PTN: variants seen among roughly 807,000 people sequenced by gnomAD.
The protein encoded by PTN is heparin affin regulatory protein.
A neutral mutation model predicts 24.1 loss-of-function variants in PTN; 18 were observed. That is an observed-to-expected ratio of 0.75 (90% confidence interval 0.52 to 1.11). The LOEUF (loss-of-function observed/expected upper bound fraction) is 1.11, where lower values mean the gene tolerates loss of function less well. Among genes scored for constraint, PTN ranks in the 50% least tolerant of loss-of-function variants. PTN has a pLI of 0.00. For synonymous variants in PTN, 78 were observed against 68.6 expected (o/e 1.14, Z -0.67); for missense variants, 163 against 198.8 (o/e 0.82, Z 1.08).
intron 1 of PTN, among the ~76,000 whole-genome samples, chr7:137,271,438 C>T (rs1809270398): frequency 1.3e-5 from 2 of 152,250 alleles, no homozygotes; most frequent in Non-Finnish European, 2.9e-5. Flanking sequence ...CTGTCTTCTA[C>T]TTCAAATTCA....
At chr7:137,242,043 G>A (rs936674829) in intron 4 of PTN, among the ~76,000 whole-genome samples, 1 of 152,184 alleles carries the variant, frequency 6.6e-6, no homozygotes, top group Non-Finnish European at 1.5e-5. Context: ...CCAGAACATA[G>A]ACAGAAATGT....
chr7:137,302,569 T>C (rs1809823284), intron 1 of PTN, among the ~76,000 whole-genome samples: 1 of 151,978 alleles, frequency 6.6e-6, no homozygotes, highest in East Asian at 1.9e-4. Context: ...GAACTATCAG[T>C]GCCCTCGTCT....
chr7:137,285,664 C>T (rs1199630967), intron 1 of PTN, among the ~76,000 whole-genome samples: 1 of 151,978 alleles, frequency 6.6e-6, no homozygotes, highest in Non-Finnish European at 1.5e-5. Flanking sequence ...AGTGAGACTC[C>T]ACCTCAAAAA....
In PTN at chr7:137,227,754, A is replaced by C. The variant is rs780011515; in HGVS notation, c.*266T>G. 2 of 306,136 alleles carry C rather than the reference A, an allele frequency of 6.5e-6. No individual in the cohort carries two copies. The highest frequency in any genetic ancestry group is 1.2e-5 in the Non-Finnish European group (2 of 169,112). The allele number at this position is 306,136 out of a possible 1,614,324, so 19.0% of individuals were successfully genotyped here. On this transcript the variant is annotated 3_prime_UTR_variant, in exon 5 of 5. Coordinates refer to ENST00000348225, the MANE Select transcript of PTN (RefSeq NM_002825.7). ...ATGTAAAATGTCACATAATTTCAAA[A>C]AACTTACCTCAATTGTCTATCATTT...
chr7:137,259,776 C>T (rs1809001483), intron 1 of PTN, among the ~76,000 whole-genome samples: 1 of 151,864 alleles, frequency 6.6e-6, no homozygotes, highest in Non-Finnish European at 1.5e-5. Flanking sequence ...GCCTTTACTT[C>T]TTCGAAGCTT....
intron 4 of PTN, among the ~76,000 whole-genome samples, chr7:137,241,673 G>T (rs974718225): frequency 4.6e-5 from 7 of 152,150 alleles, no homozygotes; most frequent in Non-Finnish European, 7.3e-5. Context: ...GATAGAGTTA[G>T]ATCTCCCCAC....
intron 4 of PTN, among the ~76,000 whole-genome samples, chr7:137,248,785 G>T (rs1439482043): frequency 1.3e-5 from 2 of 152,008 alleles, no homozygotes; most frequent in Admixed American, 1.3e-4. Flanking sequence ...TTATAACAAA[G>T]GTATATTATA....
At chr7:137,256,330 C>T (rs1460870428) in intron 1 of PTN, among the ~76,000 whole-genome samples, 1 of 152,150 alleles carries the variant, frequency 6.6e-6, no homozygotes, top group Non-Finnish European at 1.5e-5. Flanking sequence ...CCACACCCCT[C>T]AACAGGTCCT....
At chr7:137,254,234 A>T (rs1263481080) in intron 2 of PTN, among the ~76,000 whole-genome samples, 1 of 151,562 alleles carries the variant, frequency 6.6e-6, no homozygotes, top group Non-Finnish European at 1.5e-5. Context: ...GAGACAGAGG[A>T]TACAGTGAGT....
intron 4 of PTN, among the ~76,000 whole-genome samples, chr7:137,228,311 G>A (rs1479068084): frequency 6.6e-6 from 1 of 151,752 alleles, no homozygotes; most frequent in Non-Finnish European, 1.5e-5. Flanking sequence ...AGAGTGGGCA[G>A]GAGGAACATA....
In PTN at chr7:137,323,234, A is replaced by G. The variant is rs182756431; in HGVS notation, c.-2+20205T>C. Among the ~76,000 whole-genome samples, 324 of 152,344 alleles carry G rather than the reference A, an allele frequency of 2.1e-3. 1 individual carries two copies. Among genetic ancestry groups the G allele is most frequent in the African/African-American group, 7.5e-3 (311 of 41,580 alleles). ...GTGAATAACAGATTCACAGTGACCA[A>G]TTACAGACAGACTATGAAAGAAGGG... On this transcript the variant is annotated intron_variant, in intron 1 of 4. Coordinates refer to ENST00000348225, the MANE Select transcript of PTN (RefSeq NM_002825.7).
chr7:137,342,940 G>GCCCC (rs1309269028), intron 1 of PTN, among the ~76,000 whole-genome samples: 1 of 152,038 alleles, frequency 6.6e-6, no homozygotes, highest in Admixed American at 6.6e-5. Context: ...GGAGGAACAA[G>GCCCC]CCCCCACAGC....
At chr7:137,327,425 G>A (rs1289329170) in intron 1 of PTN, among the ~76,000 whole-genome samples, 2 of 151,868 alleles carry the variant, frequency 1.3e-5, no homozygotes, top group African/African-American at 4.8e-5. Flanking sequence ...CTGTCTCTGA[G>A]GTCTTGCCTG....
intron 1 of PTN, among the ~76,000 whole-genome samples, chr7:137,267,174 GTC>G (rs1017454224): frequency 2.6e-5 from 4 of 151,872 alleles, no homozygotes; most frequent in South Asian, 2.1e-4. Context: ...TTGACTTTCT[GTC>G]TCTCTCTCTG....
chr7:137,316,887 C>T (rs902322018), intron 1 of PTN, among the ~76,000 whole-genome samples: 2 of 152,316 alleles, frequency 1.3e-5, no homozygotes, highest in African/African-American at 4.8e-5. Flanking sequence ...GCAGTGGCGC[C>T]TGTGCCAAAT....
At chr7:137,260,315 G>A (rs762107575) in intron 1 of PTN, among the ~76,000 whole-genome samples, 7 of 152,042 alleles carry the variant, frequency 4.6e-5, no homozygotes, top group Non-Finnish European at 1.0e-4. Flanking sequence ...CAAAACACAA[G>A]TTATAGAAAA....
At position 137,254,815 on chromosome 7, in the gene PTN, C is replaced by T. The variant is rs145058396; in HGVS notation, c.115+44G>A. The T allele has an allele frequency of 5.2e-4, 691 of 1,336,620 alleles. 6 individuals are homozygous for T. The East Asian group carries it at 0.015, about 30-fold the overall frequency. 82.8% of individuals were successfully genotyped at this position (1,336,620 alleles called of 1,614,324 possible). A position where few individuals can be genotyped will look rare whatever the true frequency, so the allele number is the denominator to read the frequency against. On this transcript the variant is annotated intron_variant, in intron 2 of 4. Transcript: ENST00000348225. ...AAAGCAGGTAATTAGACTAGATGGA[C>T]ATTAATCAATGAAGCATCTTGCCTT...
intron 4 of PTN, among the ~76,000 whole-genome samples, chr7:137,248,129 A>G (rs138533560): frequency 1.1e-3 from 174 of 152,348 alleles, no homozygotes; most frequent in African/African-American, 4.1e-3. Context: ...GATTCCATTC[A>G]TTACTATTTG....
At chr7:137,316,530 G>A (rs1810075189) in intron 1 of PTN, among the ~76,000 whole-genome samples, 2 of 152,160 alleles carry the variant, frequency 1.3e-5, no homozygotes, top group Non-Finnish European at 2.9e-5. Context: ...ATAAAGGCAG[G>A]CCAAGGTCAC....
Sources: gnomAD v4.1 joint callset for allele counts (sites outside exome capture counted in the v4.1 genomes callset) on GRCh38, gnomAD v4.1.1 for gene constraint, MANE v1.5 for transcripts, NCBI Gene and HGNC (gene_info 2026-07-23, HGNC 2026-07-21) for gene names.